Variants in PDE4D observed in about 807,000 individuals in gnomAD.
PDE4D encodes the protein phosphodiesterase 4D.
In PDE4D, 24 loss-of-function variants were observed where a neutral mutation model predicts 87.4. That is an observed-to-expected ratio of 0.27 (90% CI 0.20 to 0.39). PDE4D has a LOEUF of 0.39. Among genes scored for constraint, PDE4D ranks in the 10% least tolerant of loss-of-function variants. The pLI is 1.00. For missense variants in PDE4D, 714 were observed against 1,041.0 expected, an observed-to-expected ratio of 0.69 and a Z score of 4.32; for synonymous variants, 384 against 383.2, an observed-to-expected ratio of 1.00 and a Z score of -0.02.
chr5:60,469,284 C>T (rs1303244378), intron 1 of PDE4D, among the ~76,000 whole-genome samples: 1 of 152,102 alleles, frequency 6.6e-6, no homozygotes, highest in African/African-American at 2.4e-5. Context: ...TTCCTTCACT[C>T]CACCCCCTCC....
intron 1 of PDE4D, among the ~76,000 whole-genome samples, chr5:59,667,268 ATTGTGTTGTG>A (rs936068000): frequency 7.9e-5 from 12 of 151,738 alleles, no homozygotes; most frequent in African/African-American, 2.9e-4. Flanking sequence ...CATTATTTTT[ATTGTGTTGTG>A]TTGTGTTTTG....
intron 1 of PDE4D, among the ~76,000 whole-genome samples, chr5:59,831,009 G>T (rs1239798012): frequency 6.6e-6 from 1 of 151,942 alleles, no homozygotes; most frequent in African/African-American, 2.4e-5. Flanking sequence ...GACAGTAATG[G>T]TTTGACTACA....
At chr5:60,006,608 G>A (rs1408374774) in intron 2 of PDE4D, among the ~76,000 whole-genome samples, 1 of 151,812 alleles carries the variant, frequency 6.6e-6, no homozygotes, top group Non-Finnish European at 1.5e-5. Context: ...AGAGATAGAC[G>A]CTTGTATACT....
chr5:59,474,043 T>C (rs1005818533), intron 1 of PDE4D, among the ~76,000 whole-genome samples: 8 of 152,174 alleles, frequency 5.3e-5, no homozygotes, highest in Admixed American at 3.9e-4. Flanking sequence ...GAATTTGTGT[T>C]GACTAGAATT....
At chr5:59,326,451 T>C (rs1344882068) in intron 1 of PDE4D, among the ~76,000 whole-genome samples, 2 of 152,046 alleles carry the variant, frequency 1.3e-5, no homozygotes, top group African/African-American at 2.4e-5. Flanking sequence ...CCAAGACACA[T>C]ATAACTATTA....
intron 1 of PDE4D, among the ~76,000 whole-genome samples, chr5:59,860,174 T>G (rs904048075): frequency 7.2e-5 from 11 of 152,168 alleles, no homozygotes; most frequent in Admixed American, 5.9e-4. Context: ...CTCTCATGGC[T>G]TTTTACTGTG....
At chr5:60,099,109 C>T (rs986440503) in intron 2 of PDE4D, among the ~76,000 whole-genome samples, 1 of 151,804 alleles carries the variant, frequency 6.6e-6, no homozygotes, top group Non-Finnish European at 1.5e-5. Context: ...TCTTTTAGTA[C>T]TCCAAATACA....
intron 2 of PDE4D, among the ~76,000 whole-genome samples, chr5:60,079,865 A>T (rs1350139599): frequency 1.3e-5 from 2 of 152,034 alleles, no homozygotes; most frequent in African/African-American, 4.8e-5. Flanking sequence ...CCAAAGTCTT[A>T]TTTGAATCCA....
At chr5:59,444,729 A>G (rs1798107696) in intron 1 of PDE4D, among the ~76,000 whole-genome samples, 1 of 151,990 alleles carries the variant, frequency 6.6e-6, no homozygotes, top group Non-Finnish European at 1.5e-5. Flanking sequence ...GGAGAATGGC[A>G]TGAACCTGGG....
intron 1 of PDE4D, among the ~76,000 whole-genome samples, chr5:60,253,531 C>T (rs1275483294): frequency 6.6e-6 from 1 of 151,758 alleles, no homozygotes; most frequent in Non-Finnish European, 1.5e-5. Flanking sequence ...GAAAGGTGTT[C>T]CAGACTTGAG....
intron 1 of PDE4D, among the ~76,000 whole-genome samples, chr5:59,836,471 G>A (rs943146741): frequency 2.6e-5 from 4 of 152,044 alleles, no homozygotes; most frequent in South Asian, 2.1e-4. Context: ...TAAATATGTC[G>A]ATGGGGAGTC....
intron 11 of PDE4D, among the ~76,000 whole-genome samples, chr5:58,985,250 A>C (rs1259632119): frequency 1.3e-5 from 2 of 152,140 alleles, no homozygotes; most frequent in African/African-American, 2.4e-5. Context: ...CTTTAAAAAT[A>C]TTTACGCAGC....
intron 1 of PDE4D, among the ~76,000 whole-genome samples, chr5:59,523,374 C>A (rs1227741957): frequency 2.6e-5 from 4 of 152,210 alleles, no homozygotes; most frequent in Non-Finnish European, 5.9e-5. Context: ...GCAAACTAAA[C>A]TCTAAATTGA....
rs868640120 is a variant in PDE4D, at chr5:59,762,533, C to T, written c.455+130635G>A. On this transcript the variant is annotated intron_variant, in intron 1 of 14. Coordinates refer to ENST00000340635, the MANE Select transcript of PDE4D (RefSeq NM_001104631.2). ...ATGTGTATATGTGTATATGGGTACA[C>T]ATGTGTATATGTGTATATGGGTACA... Among the ~76,000 whole-genome samples, 276 of 35,798 alleles carry T rather than the reference C, an allele frequency of 7.7e-3. 4 individuals are homozygous for T. Among genetic ancestry groups the T allele is most frequent in the Middle Eastern group, 0.022 (1 of 46 alleles). The allele number at this position is 35,798 out of a possible 152,430, so 23.5% of individuals were successfully genotyped here.
chr5:59,648,216 A>C (rs529034490), intron 1 of PDE4D, among the ~76,000 whole-genome samples: 1 of 152,308 alleles, frequency 6.6e-6, no homozygotes, highest in South Asian at 2.1e-4. Context: ...AAGAAATTCC[A>C]AGAAGGATTT....
At chr5:59,988,717 C>T (rs777001089) in exon 3 of PDE4D, 4 of 1,541,732 alleles carry the variant, frequency 2.6e-6, no homozygotes, top group Middle Eastern at 1.7e-4. Flanking sequence ...TCCTCAGAGG[C>T]CTGAGGTAAT....
Position 58,977,258 on chromosome 5 carries a change from T to C in PDE4D, c.1640A>G (p.Asn547Ser). The C allele has an allele frequency of 6.2e-7, 1 of 1,613,208 alleles. No homozygotes were observed. Among genetic ancestry groups the C allele is most frequent in the Non-Finnish European group, 8.5e-7 (1 of 1,179,504 alleles). Residue 547 changes from asparagine (N) to serine (S), a missense_variant, in exon 12 of 15, where the codon AAC (asparagine) becomes AGC (serine). This residue lies in a region of PDE4D where 26 missense variants were observed against 96.9 expected (regional missense o/e 0.27). Coordinates refer to ENST00000340635, the MANE Select transcript of PDE4D (RefSeq NM_001104631.2). ...GGTCAAATTCTGGAAAATGTCACAG[T>C]TTTCTTCCTGAAGCAATTTAAAGCC... is the stretch of plus-strand genomic sequence containing the variant. ...AVGFKLLQEE[N>S]CDIFQNLTKK... is the part of the protein sequence containing the mutation.
At chr5:59,607,308 C>T (rs964757347) in intron 1 of PDE4D, among the ~76,000 whole-genome samples, 3 of 152,110 alleles carry the variant, frequency 2.0e-5, no homozygotes, top group Admixed American at 6.6e-5. Context: ...ATTCATCTAG[C>T]ACTGACTGAG....
chr5:59,147,966 A>G (rs1778916008), intron 5 of PDE4D, among the ~76,000 whole-genome samples: 1 of 152,156 alleles, frequency 6.6e-6, no homozygotes, highest in African/African-American at 2.4e-5. Context: ...GGCCTGCCAG[A>G]ATGTGATTTC....
Sources: gnomAD v4.1 joint callset for allele counts (sites outside exome capture counted in the v4.1 genomes callset) on GRCh38, gnomAD v4.1.1 for gene constraint, gnomAD v4.1.1 regional missense constraint, MANE v1.5 for transcripts, NCBI Gene and HGNC (gene_info 2026-07-23, HGNC 2026-07-21) for gene names.